SLC35F3: variants seen among roughly 807,000 people sequenced by gnomAD.
SLC35F3 encodes the protein putative thiamine transporter SLC35F3.
A neutral mutation model predicts 49.9 loss-of-function variants in SLC35F3; 25 were observed. The observed-to-expected ratio is 0.50, with a 90% CI of 0.37 to 0.70. The LOEUF is 0.70. Ranked by LOEUF, SLC35F3 falls within the 30% of genes least tolerant of loss-of-function variation. SLC35F3 has a pLI of 0.00. For missense variants in SLC35F3, 525 were observed against 639.8 expected, an observed-to-expected ratio of 0.82 and a Z score of 1.94; for synonymous variants, 275 against 265.4, an observed-to-expected ratio of 1.04 and a Z score of -0.35.
At chr1:234,219,055 C>CAAA (rs60342594) in intron 2 of SLC35F3, among the ~76,000 whole-genome samples, 18,140 of 55,036 alleles carry the variant, frequency 0.33, 3,767 homozygotes, top group African/African-American at 0.59. Context: ...GACTCCATCT[C>CAAA]AAAAAAAAAA....
intron 3 of SLC35F3, among the ~76,000 whole-genome samples, chr1:234,280,840 G>C (rs1347576035): frequency 2.0e-5 from 3 of 152,154 alleles, no homozygotes; most frequent in African/African-American, 7.2e-5. Context: ...ATTTGTCACA[G>C]GCAGAATTTG....
chr1:234,279,198 G>C (rs1194594187), intron 3 of SLC35F3, among the ~76,000 whole-genome samples: 1 of 152,188 alleles, frequency 6.6e-6, no homozygotes, highest in Non-Finnish European at 1.5e-5. Flanking sequence ...AGGCAGATAA[G>C]AGACAAATGG....
intron 4 of SLC35F3, among the ~76,000 whole-genome samples, chr1:234,312,647 C>T (rs1657384752): frequency 6.6e-6 from 1 of 152,120 alleles, no homozygotes; most frequent in Non-Finnish European, 1.5e-5. Flanking sequence ...TCCCCCAGTT[C>T]CCTCCAAACT....
At chr1:233,952,452 G>A (rs1662623883) in intron 2 of SLC35F3, among the ~76,000 whole-genome samples, 1 of 152,144 alleles carries the variant, frequency 6.6e-6, no homozygotes, top group Non-Finnish European at 1.5e-5. Flanking sequence ...ATGTTTAATT[G>A]TACCTAGATT....
At chr1:233,918,096 C>G (rs1482104933) in intron 2 of SLC35F3, among the ~76,000 whole-genome samples, 3 of 152,232 alleles carry the variant, frequency 2.0e-5, no homozygotes, top group East Asian at 1.9e-4. Flanking sequence ...ATCTTGATCC[C>G]CACCTTTTCT....
chr1:234,312,356 G>A (rs534748120), intron 4 of SLC35F3, among the ~76,000 whole-genome samples: 1 of 152,356 alleles, frequency 6.6e-6, no homozygotes, highest in Admixed American at 6.5e-5. Context: ...TCAAACCCCA[G>A]CGGCACATTC....
chr1:234,077,259 C>T (rs1247192473), intron 2 of SLC35F3, among the ~76,000 whole-genome samples: 2 of 152,092 alleles, frequency 1.3e-5, no homozygotes, highest in Non-Finnish European at 2.9e-5. Context: ...CCGCCTCGGC[C>T]TCCCAAAGTG....
intron 6 of SLC35F3, among the ~76,000 whole-genome samples, chr1:234,319,427 G>T (rs114042551): frequency 4.0e-4 from 61 of 152,310 alleles, no homozygotes; most frequent in African/African-American, 1.5e-3. Flanking sequence ...TCCCAGCCAG[G>T]TACAGTGGCT....
chr1:233,911,052 G>A (rs192587868), intron 2 of SLC35F3, among the ~76,000 whole-genome samples: 1 of 152,198 alleles, frequency 6.6e-6, no homozygotes, highest in Admixed American at 6.5e-5. Flanking sequence ...TAACACACCT[G>A]GTGACAAGGA....
chr1:233,991,244 C>T (rs186362762), intron 2 of SLC35F3, among the ~76,000 whole-genome samples: 139 of 152,224 alleles, frequency 9.1e-4, no homozygotes, highest in South Asian at 2.1e-4. Context: ...GGAGGGCAGC[C>T]TGTCTGGGCC....
At chr1:234,265,830 C>CCTTCTCAG (rs1037136247) in intron 3 of SLC35F3, among the ~76,000 whole-genome samples, 4 of 152,178 alleles carry the variant, frequency 2.6e-5, no homozygotes, top group African/African-American at 9.7e-5. Flanking sequence ...CCTTCTCCTC[C>CCTTCTCAG]CTTCTCAGCT....
At chr1:234,038,649 C>T (rs1313656202) in intron 2 of SLC35F3, among the ~76,000 whole-genome samples, 1 of 152,162 alleles carries the variant, frequency 6.6e-6, no homozygotes, top group Non-Finnish European at 1.5e-5. Context: ...AAAAAATGCT[C>T]ATCATCAGAC....
chr1:234,201,912 C>CAAAAAA (rs11361148), intron 2 of SLC35F3, among the ~76,000 whole-genome samples: 3 of 111,886 alleles, frequency 2.7e-5, no homozygotes, highest in Non-Finnish European at 3.7e-5. Context: ...GACTTCTTCT[C>CAAAAAA]AAAAAAAAAA....
chr1:234,259,135 A>C (rs1308131051), intron 3 of SLC35F3, among the ~76,000 whole-genome samples: 7 of 152,188 alleles, frequency 4.6e-5, no homozygotes, highest in Non-Finnish European at 1.0e-4. Flanking sequence ...CTTCAAACCA[A>C]AAAATAGAGA....
intron 2 of SLC35F3, among the ~76,000 whole-genome samples, chr1:234,108,017 G>A (rs1213678176): frequency 6.6e-6 from 1 of 151,224 alleles, no homozygotes; most frequent in Non-Finnish European, 1.5e-5. Flanking sequence ...AAGTATGAAT[G>A]ACGGGTAATG....
rs753670988 is a variant in SLC35F3 at position 234,309,189 on chromosome 1, A to G, written c.697A>G (p.Thr233Ala). The G allele has an allele frequency of 3.1e-6, 5 of 1,614,110 alleles. No individual in the cohort carries two copies. Among genetic ancestry groups the G allele is most frequent in the African/African-American group, 1.3e-5 (1 of 74,938 alleles). The change falls in exon 4 of 8, where the codon ACA (threonine) becomes GCA (alanine). Residue 233 changes from threonine (T) to alanine (A), a missense_variant. Coordinates refer to ENST00000366618, the MANE Select transcript of SLC35F3 (RefSeq NM_173508.4). The part of the protein sequence containing the change: ...AAPFGVLWTL[T>A]NYLYLHAIKK... ...ACCCTTTGGTGTTCTTTGGACACTC[A>G]CAAACTACCTGTACTTACATGCAAT... is the stretch of plus-strand genomic sequence containing the variant.
rs550406273 is a variant in SLC35F3 at position 234,041,302 on chromosome 1, C to A, written c.283+135544C>A. 2.0e-5 allele frequency among the ~76,000 whole-genome samples: 3 copies of A among 152,250 alleles called. No homozygotes were observed. In the East Asian group the frequency reaches 5.8e-4, roughly 29 times the overall value. ...CTCCTCCAAGTGGTGACTCAGGGAT[C>A]CATGATCATCCTTCTTGTACTACGT... On this transcript the variant is annotated intron_variant, in intron 2 of 7. Transcript: ENST00000366618.
At chr1:234,219,442 G>T (rs560901013) in intron 2 of SLC35F3, among the ~76,000 whole-genome samples, 1 of 152,142 alleles carries the variant, frequency 6.6e-6, no homozygotes, top group Non-Finnish European at 1.5e-5. Flanking sequence ...CCTAATATAC[G>T]CAAGAGAATG....
chr1:234,067,021 T>C (rs1284285525), intron 2 of SLC35F3, among the ~76,000 whole-genome samples: 1 of 152,224 alleles, frequency 6.6e-6, no homozygotes, highest in Non-Finnish European at 1.5e-5. Flanking sequence ...ATAACTCTTA[T>C]AATAAATAAC....
Sources: allele counts gnomAD v4.1 joint callset (sites outside exome capture counted in the v4.1 genomes callset), GRCh38; gene constraint gnomAD v4.1.1; transcripts MANE v1.5; gene names NCBI Gene and HGNC (gene_info 2026-07-23, HGNC 2026-07-21).